The following SCAF4 variants were observed in gnomAD, a reference collection of about 807,000 sequenced individuals.
The protein encoded by SCAF4 is SR-related CTD associated factor 4.
In SCAF4, 25 loss-of-function variants were observed where a neutral mutation model predicts 129.8. That is an observed-to-expected ratio of 0.19 (90% confidence interval 0.14 to 0.27). The LOEUF (loss-of-function observed/expected upper bound fraction) is 0.27. Among genes scored for constraint, SCAF4 ranks in the 10% least tolerant of loss-of-function variants. The probability of loss-of-function intolerance (pLI) is 1.00; values close to 1 mark genes in which losing one functional copy is unlikely to be tolerated. For missense variants in SCAF4, 1,246 were observed against 1,457.1 expected, an observed-to-expected ratio of 0.86 and a Z score of 2.36; for synonymous variants, 551 against 497.7, an observed-to-expected ratio of 1.11 and a Z score of -1.43.
intron 7 of SCAF4, 99 bp from the exon 8 acceptor site, chr21:31,696,849 C>T: frequency 1.9e-6 from 2 of 1,026,274 alleles, no homozygotes; most frequent in Non-Finnish European, 2.9e-6. Context: ...ATCTAGAAAC[C>T]CACATTGTCA....
In SCAF4 at chr21:31,701,759, T is replaced by C; in HGVS notation, c.600+17A>G. The C allele has an allele frequency of 6.3e-7, 1 of 1,590,870 alleles. No homozygotes were observed. The highest frequency in any genetic ancestry group is 8.5e-7 in the Non-Finnish European group (1 of 1,172,466). On this transcript the variant is annotated intron_variant, in intron 6 of 19. Transcript: ENST00000286835. ...CCTAGTCCTGCAAACAATTTCACTT[T>C]TGAGTAGACAGTTTACCTGTTGGCC... is the stretch of plus-strand genomic sequence containing the variant.
chr21:31,693,586 G>T, intron 11 of SCAF4, 102 bp from the exon 12 acceptor site: 1 of 679,144 alleles, frequency 1.5e-6, no homozygotes, highest in Non-Finnish European at 2.2e-6. Flanking sequence ...GTAATTTAAT[G>T]TTTGGGTATG....
intron 1 of SCAF4, among the ~76,000 whole-genome samples, chr21:31,726,190 C>T (rs576414343): frequency 2.6e-5 from 4 of 152,078 alleles, no homozygotes; most frequent in Non-Finnish European, 5.9e-5. Flanking sequence ...GGATTACAGG[C>T]GCCCGCCACC....
At chr21:31,715,520 C>A (rs1358155518) in intron 1 of SCAF4, among the ~76,000 whole-genome samples, 1 of 152,178 alleles carries the variant, frequency 6.6e-6, no homozygotes, top group African/African-American at 2.4e-5. Context: ...AATTTGTAAT[C>A]ATCTGAAATC....
chr21:31,692,493 T>G, intron 12 of SCAF4, 44 bp from the exon 13 acceptor site: 1 of 1,269,926 alleles, frequency 7.9e-7, no homozygotes, highest in Non-Finnish European at 1.1e-6. Flanking sequence ...CATTTGATAA[T>G]GAGCAGCACT....
In SCAF4 at chr21:31,696,235, G is replaced by A. The variant is rs751126241; in HGVS notation, c.960-14C>T. ...CCAGGAAAGCCACTAAAAAAAGGTG[G>A]ATAATCTTTTACCCATTCAAAAGCA... On this transcript the variant is annotated splice_polypyrimidine_tract_variant and intron_variant, in intron 8 of 19. Transcript: ENST00000286835. The A allele has an allele frequency of 6.3e-7, 1 of 1,597,846 alleles. No homozygotes were observed. The highest frequency in any genetic ancestry group is 8.6e-7 in the Non-Finnish European group (1 of 1,165,594).
chr21:31,721,174 TCTA>T (rs2051058126), intron 1 of SCAF4, among the ~76,000 whole-genome samples: 2 of 152,216 alleles, frequency 1.3e-5, no homozygotes, highest in South Asian at 4.1e-4. Context: ...CAGCCAATAA[TCTA>T]CTTTCTGTCT....
chr21:31,717,133 G>A (rs1190474970), intron 1 of SCAF4, among the ~76,000 whole-genome samples: 1 of 152,154 alleles, frequency 6.6e-6, no homozygotes, highest in Non-Finnish European at 1.5e-5. Context: ...TACTGGGCTG[G>A]TGAGATCTAA....
chr21:31,671,884 TATC>T lies in SCAF4; in HGVS notation c.2956_2958del (p.Asp986del). The T allele has an allele frequency of 1.2e-6, 2 of 1,614,214 alleles. No individual in the cohort carries two copies. The highest frequency in any genetic ancestry group is 1.6e-4 in the Middle Eastern group (1 of 6,062). ...CTACCTGAATTGAACTGCTGCCTGTTATCATTTCTAAACTGCTGTGGCTGCTGC... is the reference window on the plus strand; with the variant it reads ...CTACCTGAATTGAACTGCTGCCTGTTATTTCTAAACTGCTGTGGCTGCTGC... On this transcript the variant is annotated inframe_deletion, in exon 20 of 20. Transcript: ENST00000286835.
chr21:31,716,482 C>T (rs911185032), intron 1 of SCAF4, among the ~76,000 whole-genome samples: 2 of 152,132 alleles, frequency 1.3e-5, no homozygotes, highest in African/African-American at 2.4e-5. Flanking sequence ...CTTTCATACT[C>T]AACTTAATAT....
intron 1 of SCAF4, among the ~76,000 whole-genome samples, chr21:31,707,803 G>C (rs754119697): frequency 2.0e-5 from 3 of 152,108 alleles, no homozygotes; most frequent in Admixed American, 6.5e-5. Flanking sequence ...TAAAAATTTA[G>C]ACAATTTTCA....
intron 1 of SCAF4, among the ~76,000 whole-genome samples, chr21:31,728,162 T>A (rs1445756982): frequency 6.6e-6 from 1 of 152,186 alleles, no homozygotes; most frequent in East Asian, 1.9e-4. Context: ...TCCTTGAAAA[T>A]GCTAAAGCCT....
rs768757705 is a variant in SCAF4, at chr21:31,702,330, T to G, written c.371A>C (p.Lys124Thr). The G allele has an allele frequency of 6.2e-7, 1 of 1,614,002 alleles. No homozygotes were observed. The highest frequency in any genetic ancestry group is 1.3e-5 in the African/African-American group (1 of 74,914). ...LNLWQKNGVF[K>T]IEIIQPLLDM... is the part of the protein sequence containing the mutation. Reference sequence around the variant, plus strand: ...CAAAAGAGGTTGAATAATTTCAATTTTGAACACTCCATTTTTTTGCCAAAG... The same window carrying G: ...CAAAAGAGGTTGAATAATTTCAATTGTGAACACTCCATTTTTTTGCCAAAG... The change falls in exon 5 of 20, where the codon AAA (lysine) becomes ACA (threonine). Residue 124 changes from lysine (K) to threonine (T), a missense_variant. Coordinates refer to ENST00000286835, the MANE Select transcript of SCAF4 (RefSeq NM_020706.2).
chr21:31,704,422 A>G lies in SCAF4; in HGVS notation c.160-496T>C, dbSNP rs2050605632. Among the ~76,000 whole-genome samples, 4 of 152,218 alleles carry G rather than the reference A, an allele frequency of 2.6e-5. No individual in the cohort carries two copies. In the South Asian group the frequency reaches 6.2e-4, roughly 24 times the overall value. ...GAGAAAAGCAGAGAAACAGACACCTATATATATTTCTGGTGGTAGTGGAAA... is the reference window on the plus strand; with the variant it reads ...GAGAAAAGCAGAGAAACAGACACCTGTATATATTTCTGGTGGTAGTGGAAA... On this transcript the variant is annotated intron_variant, in intron 3 of 19. Coordinates refer to ENST00000286835, the MANE Select transcript of SCAF4 (RefSeq NM_020706.2).
At chr21:31,688,721 T>G (rs2050188761) in intron 15 of SCAF4, among the ~76,000 whole-genome samples, 1 of 152,218 alleles carries the variant, frequency 6.6e-6, no homozygotes, top group African/African-American at 2.4e-5. Context: ...AAGTAGATAC[T>G]ACTATTATTC....
intron 14 of SCAF4, among the ~76,000 whole-genome samples, chr21:31,691,348 C>G (rs942890128): frequency 1.3e-5 from 2 of 152,166 alleles, no homozygotes; most frequent in African/African-American, 4.8e-5. Context: ...GCAGTGCAAT[C>G]CAGCGGTAGA....
chr21:31,695,026 T>C, intron 9 of SCAF4, 46 bp from the exon 10 acceptor site: 1 of 1,525,104 alleles, frequency 6.6e-7, no homozygotes, highest in South Asian at 1.2e-5. Context: ...ATCAAAATAA[T>C]TTGGAAAACC....
rs762350889 is a variant in SCAF4 at position 31,694,307 on chromosome 21, A to G, written c.1237-18T>C. The stretch of plus-strand genomic sequence containing the variant: ...TCCATTTCCTTAAAAAACAAAAACC[A>G]TGATAAAATGAGAAATTTAAAAAGT... On this transcript the variant is annotated intron_variant, in intron 10 of 19. Transcript: ENST00000286835. 18 of 1,454,570 alleles carry G rather than the reference A, an allele frequency of 1.2e-5. No homozygotes were observed. The highest frequency in any genetic ancestry group is 1.7e-5 in the Non-Finnish European group (18 of 1,049,132). The allele number at this position is 1,454,570 out of a possible 1,614,324, so 90.1% of individuals were successfully genotyped here.
intron 1 of SCAF4, among the ~76,000 whole-genome samples, chr21:31,723,081 G>GT (rs1188527083): frequency 3.3e-5 from 5 of 152,200 alleles, no homozygotes; most frequent in African/African-American, 1.2e-4. Flanking sequence ...TCCTATTTGT[G>GT]TATGTGTTGC....
Sources: gnomAD v4.1 joint callset for allele counts (sites outside exome capture counted in the v4.1 genomes callset) on GRCh38, gnomAD v4.1.1 for gene constraint, MANE v1.5 for transcripts, NCBI Gene and HGNC (gene_info 2026-07-23, HGNC 2026-07-21) for gene names.